The following TRAPPC11 variants were observed in gnomAD, a reference collection of about 807,000 sequenced individuals.
The protein encoded by TRAPPC11 is foie gras homolog.
A neutral mutation model predicts 151.2 loss-of-function variants in TRAPPC11; 104 were observed. The observed-to-expected ratio is 0.69, with a 90% CI of 0.59 to 0.81. The LOEUF (loss-of-function observed/expected upper bound fraction) is 0.81, where lower values mean the gene tolerates loss of function less well. Ranked by LOEUF, TRAPPC11 falls within the 30% of genes least tolerant of loss-of-function variation. The probability of loss-of-function intolerance (pLI) is 0.00; values close to 1 mark genes in which losing one functional copy is unlikely to be tolerated. For synonymous variants in TRAPPC11, 456 were observed against 472.3 expected (o/e 0.97, Z 0.45); for missense variants, 1,230 against 1,349.6 (o/e 0.91, Z 1.39).
intron 26 of TRAPPC11, among the ~76,000 whole-genome samples, chr4:183,703,973 C>A (rs1180679082): frequency 2.6e-5 from 4 of 152,166 alleles, no homozygotes; most frequent in African/African-American, 9.7e-5. Context: ...CTGGGGCCCA[C>A]CTGTAAACCA....
chr4:183,664,106 C>T, intron 2 of TRAPPC11, 35 bp downstream of exon 2: 1 of 1,491,776 alleles, frequency 6.7e-7, no homozygotes, highest in Non-Finnish European at 9.3e-7. Flanking sequence ...TTCTTTCCTT[C>T]TCTCTCTCTA....
At chr4:183,673,549 A>G (rs1007717153) in intron 5 of TRAPPC11, among the ~76,000 whole-genome samples, 1 of 151,960 alleles carries the variant, frequency 6.6e-6, no homozygotes, top group African/African-American at 2.4e-5. Context: ...TCATGTATGC[A>G]TGTAGTTCCA....
At chr4:183,692,399 C>T (rs1186565310) in intron 19 of TRAPPC11, among the ~76,000 whole-genome samples, 1 of 150,772 alleles carries the variant, frequency 6.6e-6, no homozygotes, top group Non-Finnish European at 1.5e-5. Flanking sequence ...ATGATTTTGA[C>T]TAAATGCCCT....
In TRAPPC11 at chr4:183,684,468, T is replaced by C. The variant is rs541773412; in HGVS notation, c.1421+109T>C. 2.8e-5 allele frequency: 32 copies of C among 1,131,394 alleles called. No homozygotes were observed. The South Asian group carries it at 4.7e-4, about 17-fold the overall frequency. The allele number at this position is 1,131,394 out of a possible 1,614,324, so 70.1% of individuals were successfully genotyped here. On this transcript the variant is annotated intron_variant, in intron 14 of 29. Transcript: ENST00000334690. ...CGTATTTTCATATTTATTTCTATTG[T>C]TGTTAAACTCCATTTCTGTAATGTT...
chr4:183,705,829 T>G (rs1246332803), intron 27 of TRAPPC11: 14 of 152,210 alleles, frequency 9.2e-5, no homozygotes, highest in Non-Finnish European at 1.5e-5. Context: ...AGGTAACATC[T>G]GTCCATCATT....
rs1734918621 is a variant in TRAPPC11 at position 183,667,051 on chromosome 4, T to G, written c.375-9T>G. On this transcript the variant is annotated splice_polypyrimidine_tract_variant and intron_variant, in intron 3 of 29. Transcript: ENST00000334690. The stretch of plus-strand genomic sequence containing the variant: ...AATAATTAATTTTATTCTTGCTTTT[T>G]CATTGCAGGCAAAGTTTACAAGGAA... The G allele has an allele frequency of 6.3e-7, 1 of 1,590,312 alleles. No homozygotes were observed. Among genetic ancestry groups the G allele is most frequent in the African/African-American group, 1.3e-5 (1 of 74,658 alleles).
chr4:183,672,393 A>C (rs1242413100), intron 5 of TRAPPC11, among the ~76,000 whole-genome samples: 1 of 152,228 alleles, frequency 6.6e-6, no homozygotes, highest in African/African-American at 2.4e-5. Context: ...CTCTTTCCTT[A>C]AAAGAGCATT....
chr4:183,663,799 A>G (rs1017924220), intron 1 of TRAPPC11, 48 bp from the exon 2 acceptor site: 136 of 1,076,964 alleles, frequency 1.3e-4, no homozygotes, highest in Admixed American at 4.0e-5. Flanking sequence ...AGAAATGAAT[A>G]TGAGTTTTTA....
intron 23 of TRAPPC11, 134 bp downstream of exon 23, chr4:183,694,857 CTT>C (rs1174032744): frequency 4.5e-6 from 4 of 885,812 alleles, no homozygotes; most frequent in Non-Finnish European, 6.5e-6. Flanking sequence ...TTTAATTAAA[CTT>C]TTTAAAAAAT....
At chr4:183,712,561 A>G (rs188070105) in intron 29 of TRAPPC11, 39 bp from the exon 30 acceptor site, 6 of 1,593,944 alleles carry the variant, frequency 3.8e-6, no homozygotes, top group Admixed American at 1.7e-5. Flanking sequence ...TTATTATATT[A>G]TAATTTTGTA....
intron 1 of TRAPPC11, among the ~76,000 whole-genome samples, chr4:183,661,672 G>T (rs1361913876): frequency 1.3e-5 from 2 of 150,336 alleles, no homozygotes; most frequent in Non-Finnish European, 3.0e-5. Context: ...CGCCCGGCCA[G>T]ATTACCTTTT....
intron 27 of TRAPPC11, 87 bp from the exon 28 acceptor site, chr4:183,706,720 C>G (rs1283325969): frequency 1.2e-5 from 17 of 1,422,194 alleles, no homozygotes; most frequent in Non-Finnish European, 1.5e-5. Context: ...GATACTATGT[C>G]CACAGAATGA....
intron 18 of TRAPPC11, 22 bp from the exon 19 acceptor site, chr4:183,691,294 G>T: frequency 1.4e-6 from 2 of 1,440,018 alleles, no homozygotes; most frequent in South Asian, 3.5e-5. Flanking sequence ...GACATTTGAT[G>T]ACCCCTGTTC....
At chr4:183,710,426 A>G (rs1421056353) in intron 29 of TRAPPC11, among the ~76,000 whole-genome samples, 1 of 151,764 alleles carries the variant, frequency 6.6e-6, no homozygotes, top group African/African-American at 2.4e-5. Flanking sequence ...AGCTGGGACT[A>G]CAAGCGCCTG....
Position 183,701,694 on chromosome 4 carries a change from T to C in TRAPPC11, c.2852-3T>C. The C allele has an allele frequency of 6.2e-7, 1 of 1,602,562 alleles. No individual in the cohort carries two copies. The highest frequency in any genetic ancestry group is 8.6e-7 in the Non-Finnish European group (1 of 1,169,442). On this transcript the variant is annotated splice_region_variant and splice_polypyrimidine_tract_variant and intron_variant, in intron 25 of 29. Transcript: ENST00000334690. ...TAAGGAATATAAAGACTTTTCCCTG[T>C]AGTTATCTTACAGACTGGAGAGAGT...
intron 23 of TRAPPC11, 39 bp from the exon 24 acceptor site, chr4:183,697,464 T>C (rs1276555506): frequency 1.3e-6 from 2 of 1,573,002 alleles, no homozygotes; most frequent in East Asian, 4.5e-5. Context: ...TAAAAAGATT[T>C]AGAAAATCCA....
chr4:183,701,730 G>C lies in TRAPPC11; in HGVS notation c.2885G>C (p.Cys962Ser), dbSNP rs1171641559. ...CAGACTGGAGAGAGTGCTAGTGAATGCTTTTGTCTTCAATGCCCATCTCTT... is the reference window on the plus strand; with the variant it reads ...CAGACTGGAGAGAGTGCTAGTGAATCCTTTTGTCTTCAATGCCCATCTCTT... The part of the protein sequence containing the change: ...ILQTGESASE[C>S]FCLQCPSLGN... The change falls in exon 26 of 30, where the codon TGC becomes TCC. Residue 962 changes from cysteine to serine, a missense_variant. Transcript: ENST00000334690. The C allele has an allele frequency of 1.2e-6, 2 of 1,613,954 alleles. No homozygotes were observed. Among genetic ancestry groups the C allele is most frequent in the African/African-American group, 2.7e-5 (2 of 75,040 alleles).
rs1737388498 is a variant in TRAPPC11 at position 183,712,619 on chromosome 4, A to G, written c.3377A>G (p.Asp1126Gly). ...TTAAAGCCACAGGGTCGACTCATGG[A>G]TGATACCTCTATTGCTGCTGCATGA... ...IFVKPQGRLM[D>G]DTSIAAA The change falls in exon 30 of 30, where the codon GAT (aspartate) becomes GGT (glycine). Residue 1126 changes from aspartate (D) to glycine (G), a missense_variant. By Grantham distance (94) the Asp-to-Gly change is moderately conservative (BLOSUM62 -1). Transcript: ENST00000334690. 10 of 1,614,160 alleles carry G rather than the reference A, an allele frequency of 6.2e-6. No homozygotes were observed. Among genetic ancestry groups the G allele is most frequent in the Non-Finnish European group, 8.5e-6 (10 of 1,180,026 alleles).
In TRAPPC11 at chr4:183,680,194, G is replaced by T; in HGVS notation, c.1040G>T (p.Gly347Val). 1 of 1,613,986 alleles carries T rather than the reference G, an allele frequency of 6.2e-7. No homozygotes were observed. Among genetic ancestry groups the T allele is most frequent in the Non-Finnish European group, 8.5e-7 (1 of 1,179,976 alleles). ...ACAGCTATTCAAACTCAGAATCCTG[G>T]TTTCTATTACCAGCAGGCAGCATAC... ...GLTAIQTQNP[G>V]FYYQQAAYYA... The change falls in exon 10 of 30, where the codon GGT (glycine) becomes GTT (valine). Residue 347 changes from glycine (G) to valine (V), a missense_variant. Coordinates refer to ENST00000334690, the MANE Select transcript of TRAPPC11 (RefSeq NM_021942.6).
Sources: allele counts gnomAD v4.1 joint callset (sites outside exome capture counted in the v4.1 genomes callset), GRCh38; gene constraint gnomAD v4.1.1; transcripts MANE v1.5; gene names NCBI Gene and HGNC (gene_info 2026-07-23, HGNC 2026-07-21).